PAH: variants seen among roughly 807,000 people sequenced by gnomAD.
The protein encoded by PAH is phenylalanine hydroxylase, also known as phenylalanine-4-hydroxylase.
A neutral mutation model predicts 62.0 loss-of-function variants in PAH; 64 were observed. The ratio of observed to expected loss-of-function variants is 1.03; its 90% CI spans 0.84 to 1.27. The LOEUF is 1.27. Among genes scored for constraint, PAH ranks in the 50% most tolerant of loss-of-function variants. The pLI is 0.00. For synonymous variants in PAH, 195 were observed against 196.2 expected, an observed-to-expected ratio of 0.99 and a Z score of 0.05; for missense variants, 579 against 542.8, an observed-to-expected ratio of 1.07 and a Z score of -0.66.
chr12:102,862,773 T>C (rs10778201), intron 5 of PAH, among the ~76,000 whole-genome samples: 32,145 of 152,020 alleles, frequency 0.21, 4,845 homozygotes, highest in East Asian at 0.75. Context: ...AGGCTCCAGA[T>C]TAGGTCTTTC....
At chr12:102,934,257 G>C (rs1487665066) in intron 1 of PAH, among the ~76,000 whole-genome samples, 5 of 151,980 alleles carry the variant, frequency 3.3e-5, no homozygotes, top group Non-Finnish European at 5.9e-5. Context: ...TTGTTTGTGT[G>C]TTCTTTATTC....
At chr12:102,854,859 CT>C (rs1875337075) in intron 6 of PAH, 1 of 502,938 alleles carries the variant, frequency 2.0e-6, no homozygotes, top group African/African-American at 1.9e-5. Context: ...GCACCTTGGG[CT>C]TTAAGTGTGA....
At chr12:102,958,393 C>CGCAGCAGCAGCAGCAGCAGCAGCAGCA (rs3832799), upstream of PAH, 112 of 1,507,164 alleles carry the variant, frequency 7.4e-5, no homozygotes, top group African/African-American at 1.2e-3. Flanking sequence ...GCGCAGAGCG[C>CGCAGCAGCAGCAGCAGCAGCAGCAGCA]GCAGCAGCAG....
chr12:102,909,578 A>G (rs1415208071), intron 2 of PAH, among the ~76,000 whole-genome samples: 1 of 152,184 alleles, frequency 6.6e-6, no homozygotes, highest in Non-Finnish European at 1.5e-5. Flanking sequence ...TACTTAAATT[A>G]TTTGGAACTC....
intron 3 of PAH, among the ~76,000 whole-genome samples, chr12:102,890,038 A>G (rs890790811): frequency 6.6e-6 from 1 of 152,254 alleles, no homozygotes; most frequent in African/African-American, 2.4e-5. Context: ...TCCAGGAGGC[A>G]TTTGAGAAGG....
At chr12:102,897,451 A>ATG (rs34824304) in intron 2 of PAH, among the ~76,000 whole-genome samples, 217 of 130,252 alleles carry the variant, frequency 1.7e-3, no homozygotes, top group African/African-American at 4.9e-3. Flanking sequence ...TCTCATATAT[A>ATG]TGTGTGTGTG....
At chr12:102,851,316 C>T (rs987861942) in intron 8 of PAH, among the ~76,000 whole-genome samples, 1 of 151,964 alleles carries the variant, frequency 6.6e-6, no homozygotes, top group Non-Finnish European at 1.5e-5. Context: ...AACTGCCTGA[C>T]AAGGTAGAAA....
chr12:102,908,399 G>A (rs1487698738), intron 2 of PAH, among the ~76,000 whole-genome samples: 2 of 152,134 alleles, frequency 1.3e-5, no homozygotes, highest in Non-Finnish European at 2.9e-5. Context: ...AGGAGAAAAT[G>A]CTGATTATCT....
chr12:102,954,765 A>G (rs138962730), upstream of PAH, among the ~76,000 whole-genome samples: 71 of 152,216 alleles, frequency 4.7e-4, no homozygotes, highest in Non-Finnish European at 7.8e-4. Flanking sequence ...ACACTGGTGA[A>G]AACAACCAGA....
At chr12:102,878,450 C>T (rs1476632661) in intron 3 of PAH, among the ~76,000 whole-genome samples, 1 of 151,948 alleles carries the variant, frequency 6.6e-6, no homozygotes, top group African/African-American at 2.4e-5. Context: ...AGAGAGGGGC[C>T]CAGGGAGAAG....
At chr12:102,930,873 A>G (rs1168318922) in intron 1 of PAH, among the ~76,000 whole-genome samples, 2 of 152,228 alleles carry the variant, frequency 1.3e-5, no homozygotes, top group Admixed American at 6.5e-5. Flanking sequence ...TGGTTCTACA[A>G]CTACACATTT....
chr12:102,928,051 A>G (rs1878735421), intron 1 of PAH, among the ~76,000 whole-genome samples: 1 of 152,188 alleles, frequency 6.6e-6, no homozygotes, highest in African/African-American at 2.4e-5. Flanking sequence ...AGAAACAAAA[A>G]TTAATTCAGC....
chr12:102,850,188 C>A lies in PAH; in HGVS notation c.912+1499G>T, dbSNP rs145481986. ...TATCTTGGCAGCAGTAACCACACTT[C>A]TGAATGTCATTGGTGATGCTTCTAC... On this transcript the variant is annotated intron_variant, in intron 8 of 12. Transcript: ENST00000553106. Among the ~76,000 whole-genome samples, 1,015 of 152,348 alleles carry A rather than the reference C, an allele frequency of 6.7e-3. 11 individuals are homozygous for A. The highest frequency in any genetic ancestry group is 0.023 in the African/African-American group (968 of 41,574).
intron 4 of PAH, among the ~76,000 whole-genome samples, chr12:102,866,874 C>A (rs193211810): frequency 6.6e-6 from 1 of 152,292 alleles, no homozygotes; most frequent in East Asian, 1.9e-4. Flanking sequence ...TTAGCATGAG[C>A]CTCCTTGCTG....
chr12:102,948,661 C>T (rs1318715201), intron 1 of PAH, among the ~76,000 whole-genome samples: 3 of 152,218 alleles, frequency 2.0e-5, no homozygotes, highest in Non-Finnish European at 4.4e-5. Flanking sequence ...GCTAGTTTAA[C>T]TTCTTTATCA....
chr12:102,843,690 G>C lies in PAH; in HGVS notation c.1155C>G (p.Leu385=), dbSNP rs772897. The C allele has an allele frequency of 0.85, 1,370,698 of 1,613,120 alleles. 582,921 individuals carry two copies. The highest frequency in any genetic ancestry group is 0.9 in the Admixed American group (54,077 of 59,960). ...CATTAAAACTCTCTGCCACGTAATA[G>C]AGGGGCTGGAACTCCGTGACAGTGT... ...QNYTVTEFQP[L]YYVAESFNDA... Residue 385 remains leucine (L), a synonymous_variant, in exon 11 of 13, where the codon CTC becomes CTG. Coordinates refer to ENST00000553106, the MANE Select transcript of PAH (RefSeq NM_000277.3).
At position 102,852,933 on chromosome 12, in the gene PAH, G is replaced by A. The variant is rs199475578; in HGVS notation, c.724C>T (p.Leu242Phe). The change falls in exon 7 of 13, where the codon CTC (leucine) becomes TTC (phenylalanine). Residue 242 changes from leucine to phenylalanine, a missense_variant. Physicochemically the swap from Leu to Phe is conservative, Grantham distance 22. Transcript: ENST00000553106. ...QFLQTCTGFR[L>F]RPVAGLLSSR... is the part of the protein sequence containing the mutation. ...GAAAGCAGGCCAGCCACAGGTCGGA[G>A]GCGGAAACCAGTGCAAGCTGGGATG... is the stretch of plus-strand genomic sequence containing the variant. 2 of 1,614,100 alleles carry A rather than the reference G, an allele frequency of 1.2e-6. No homozygotes were observed. Among genetic ancestry groups the A allele is most frequent in the Non-Finnish European group, 1.7e-6 (2 of 1,180,016 alleles).
intron 1 of PAH, among the ~76,000 whole-genome samples, chr12:102,922,653 T>C (rs1878586106): frequency 7.0e-6 from 1 of 143,108 alleles, no homozygotes; most frequent in Non-Finnish European, 1.5e-5. Flanking sequence ...GTATTAACAT[T>C]TATGTTGTTT....
chr12:102,855,323 G>A lies in PAH; in HGVS notation c.519C>T (p.Pro173=). ...DIAYNYRHGQ[P]IPRVEYMEEE... ...CCTCCATGTATTCCACTCGAGGGAT[G>A]GGCTGCCCACTAGAATACAGGCACA... Residue 173 remains proline (P), a synonymous_variant, in exon 6 of 13, where the codon CCC becomes CCT. Coordinates refer to ENST00000553106, the MANE Select transcript of PAH (RefSeq NM_000277.3). The A allele has an allele frequency of 1.2e-6, 2 of 1,614,024 alleles. No homozygotes were observed. Among genetic ancestry groups the A allele is most frequent in the Non-Finnish European group, 1.7e-6 (2 of 1,179,936 alleles).
Sources: allele counts gnomAD v4.1 joint callset (sites outside exome capture counted in the v4.1 genomes callset), GRCh38; gene constraint gnomAD v4.1.1; transcripts MANE v1.5; gene names NCBI Gene and HGNC (gene_info 2026-07-23, HGNC 2026-07-21).